The following NLGN1 variants were observed in gnomAD, a reference collection of about 807,000 sequenced individuals.
NLGN1 encodes the protein neuroligin 1, also known as neuroligin-1.
In NLGN1, 12 loss-of-function variants were observed where a neutral mutation model predicts 65.5. That is an observed-to-expected ratio of 0.18 (90% CI 0.12 to 0.30). NLGN1 has a LOEUF of 0.30. Ranked by LOEUF, NLGN1 falls within the 10% of genes least tolerant of loss-of-function variation. The probability of loss-of-function intolerance (pLI) is 1.00; values close to 1 mark genes in which losing one functional copy is unlikely to be tolerated. For synonymous variants in NLGN1, 350 were observed against 359.5 expected, an observed-to-expected ratio of 0.97 and a Z score of 0.30; for missense variants, 750 against 1,007.1, an observed-to-expected ratio of 0.74 and a Z score of 3.46.
intron 2 of NLGN1, among the ~76,000 whole-genome samples, chr3:173,546,729 G>A (rs1229791083): frequency 6.6e-6 from 1 of 152,150 alleles, no homozygotes; most frequent in Non-Finnish European, 1.5e-5. Flanking sequence ...AACTGATAAT[G>A]AAATGATAAC....
intron 4 of NLGN1, among the ~76,000 whole-genome samples, chr3:174,099,513 C>G (rs182467071): frequency 6.6e-6 from 1 of 152,026 alleles, no homozygotes; most frequent in Non-Finnish European, 1.5e-5. Context: ...TATAGCAATG[C>G]GTAACAATAT....
rs188956416 is a variant in NLGN1, at chr3:173,853,047, T to C, written c.646+45215T>C. ...TTTACAAGAAATGGACCCAATTCTC[T>C]ACACATTTATACCCGTCTCCTTCAC... is the stretch of plus-strand genomic sequence containing the variant. On this transcript the variant is annotated intron_variant, in intron 4 of 6. Coordinates refer to ENST00000457714, the Ensembl canonical transcript of NLGN1. Among the ~76,000 whole-genome samples the C allele has an allele frequency of 1.5e-3, 230 of 152,310 alleles. 1 individual carries two copies. The highest frequency in any genetic ancestry group is 5.3e-3 in the African/African-American group (221 of 41,584).
intron 3 of NLGN1, among the ~76,000 whole-genome samples, chr3:173,679,136 A>G (rs1057262795): frequency 1.3e-5 from 2 of 152,020 alleles, no homozygotes; most frequent in Non-Finnish European, 2.9e-5. Flanking sequence ...GAAAAAAAAA[A>G]AAAGTAAAAA....
chr3:174,040,043 A>G (rs1273207430), intron 4 of NLGN1, among the ~76,000 whole-genome samples: 5 of 152,176 alleles, frequency 3.3e-5, no homozygotes, highest in Non-Finnish European at 7.4e-5. Flanking sequence ...TCACAATTCA[A>G]AGACATTACT....
At chr3:174,276,999 T>TGAGTC (rs1003596144) in intron 5 of NLGN1, among the ~76,000 whole-genome samples, 1 of 151,922 alleles carries the variant, frequency 6.6e-6, no homozygotes, top group African/African-American at 2.4e-5. Flanking sequence ...GTTTAAGAGA[T>TGAGTC]GAGTCAGTTA....
chr3:173,654,828 T>G (rs1759736788), intron 3 of NLGN1, among the ~76,000 whole-genome samples: 1 of 152,164 alleles, frequency 6.6e-6, no homozygotes. Flanking sequence ...TAGACAGATA[T>G]CCAGTTTGCA....
chr3:174,288,916 T>G (rs1395924256), downstream of NLGN1, among the ~76,000 whole-genome samples: 1 of 150,364 alleles, frequency 6.7e-6, no homozygotes, highest in African/African-American at 2.5e-5. Context: ...AAGCAAATTC[T>G]GTCTTTCTAC....
intron 4 of NLGN1, among the ~76,000 whole-genome samples, chr3:174,096,421 G>T (rs2152569335): frequency 6.6e-6 from 1 of 151,990 alleles, no homozygotes; most frequent in East Asian, 1.9e-4. Context: ...TTTCTAAAAT[G>T]CATTTAACTT....
chr3:173,814,811 T>A (rs1376420630), intron 4 of NLGN1, among the ~76,000 whole-genome samples: 2 of 152,142 alleles, frequency 1.3e-5, no homozygotes, highest in African/African-American at 4.8e-5. Flanking sequence ...AAATAAATAA[T>A]TAAACAAATC....
At chr3:173,772,948 A>G (rs748202316) in intron 3 of NLGN1, among the ~76,000 whole-genome samples, 14 of 152,182 alleles carry the variant, frequency 9.2e-5, no homozygotes, top group African/African-American at 1.9e-4. Flanking sequence ...TGCAAAAGCA[A>G]TCTTCCCCTG....
At chr3:173,555,480 T>A (rs920628205) in intron 2 of NLGN1, among the ~76,000 whole-genome samples, 1 of 152,162 alleles carries the variant, frequency 6.6e-6, no homozygotes, top group Non-Finnish European at 1.5e-5. Flanking sequence ...TTTATTTGTT[T>A]GCTTGTTTTC....
rs116199568 is a variant in NLGN1 at position 174,019,246 on chromosome 3, A to C, written c.646+211414A>C. Reference sequence around the variant, plus strand: ...TTCATGTATTGGAAACTTAATCCCTAAATTCATATGTTGATGGTATTTGGA... The same window carrying C: ...TTCATGTATTGGAAACTTAATCCCTCAATTCATATGTTGATGGTATTTGGA... On this transcript the variant is annotated intron_variant, in intron 4 of 6. Transcript: ENST00000457714. Among the ~76,000 whole-genome samples the C allele has an allele frequency of 6.6e-3, 1,008 of 152,256 alleles. 10 individuals carry two copies. The highest frequency in any genetic ancestry group is 0.023 in the African/African-American group (967 of 41,564).
intron 4 of NLGN1, among the ~76,000 whole-genome samples, chr3:174,146,294 A>G (rs1347314148): frequency 6.6e-6 from 1 of 152,164 alleles, no homozygotes; most frequent in African/African-American, 2.4e-5. Context: ...ATTGTTGTCT[A>G]TCAAATATTT....
At chr3:174,293,128 A>C in the NLGN1 span, among the ~76,000 whole-genome samples, 2 of 151,524 alleles carry the variant, frequency 1.3e-5, no homozygotes, top group African/African-American at 4.8e-5. Context: ...TCAGTAATAA[A>C]ATTATAAAGG....
chr3:173,836,234 T>C (rs577912278), intron 4 of NLGN1, among the ~76,000 whole-genome samples: 3 of 152,204 alleles, frequency 2.0e-5, no homozygotes, highest in Non-Finnish European at 2.9e-5. Flanking sequence ...ATATCAAGCA[T>C]TGTGATAATT....
chr3:174,041,008 A>G (rs954165705), intron 4 of NLGN1, among the ~76,000 whole-genome samples: 31 of 152,144 alleles, frequency 2.0e-4, no homozygotes, highest in African/African-American at 7.0e-4. Context: ...ATATACATAT[A>G]TATGTGTATG....
intron 4 of NLGN1, among the ~76,000 whole-genome samples, chr3:174,241,194 G>A (rs1742737065): frequency 6.6e-6 from 1 of 151,974 alleles, no homozygotes; most frequent in African/African-American, 2.4e-5. Context: ...TTAACTGCTA[G>A]GAAATTTTAT....
rs377492692 is a variant in NLGN1 at position 173,762,026 on chromosome 3, C to T, written c.494-45654C>T. ...TCAGGGGCAAGAGTCTTCTTATAGCCTACTGGTAATTTTAGTACTATTCAG... is the reference window on the plus strand; with the variant it reads ...TCAGGGGCAAGAGTCTTCTTATAGCTTACTGGTAATTTTAGTACTATTCAG... On this transcript the variant is annotated intron_variant, in intron 3 of 6. Transcript: ENST00000457714. Among the ~76,000 whole-genome samples, 138 of 152,156 alleles carry T rather than the reference C, an allele frequency of 9.1e-4. 2 individuals carry two copies. The South Asian group carries it at 0.027, about 30-fold the overall frequency.
At chr3:174,069,830 G>A (rs1228705436) in intron 4 of NLGN1, among the ~76,000 whole-genome samples, 7 of 152,162 alleles carry the variant, frequency 4.6e-5, no homozygotes, top group African/African-American at 7.2e-5. Context: ...GCATAGGCTC[G>A]GAGTCAGAAA....
Sources: allele counts gnomAD v4.1 joint callset (sites outside exome capture counted in the v4.1 genomes callset), GRCh38; gene constraint gnomAD v4.1.1; transcripts MANE v1.5; gene names NCBI Gene and HGNC (gene_info 2026-07-23, HGNC 2026-07-21).